The following WIPI1 variants were observed in gnomAD, a reference collection of about 807,000 sequenced individuals.
WIPI1 encodes the protein WD repeat domain phosphoinositide-interacting protein 1.
In WIPI1, 45 loss-of-function variants were observed where a neutral mutation model predicts 55.3. The ratio of observed to expected loss-of-function variants is 0.81; its 90% CI spans 0.64 to 1.04. The LOEUF is 1.04. WIPI1 is among the 50% of genes least tolerant of loss of function. WIPI1 has a pLI of 0.00. For missense variants in WIPI1, 445 were observed against 559.0 expected (o/e 0.80, Z 2.06); for synonymous variants, 195 against 217.6 (o/e 0.90, Z 0.92).
chr17:68,449,456 A>G (rs1005296784), intron 3 of WIPI1, among the ~76,000 whole-genome samples: 5 of 152,186 alleles, frequency 3.3e-5, no homozygotes, highest in Non-Finnish European at 5.9e-5. Context: ...GAAACACTGT[A>G]ATATGATTCA....
intron 11 of WIPI1, 77 bp from the exon 12 acceptor site, chr17:68,426,252 G>GGGGGGGGGGGGGGGGGT: frequency 1.2e-6 from 1 of 828,188 alleles, no homozygotes; most frequent in Non-Finnish European, 1.9e-6. Flanking sequence ...TGGGGAGCGG[G>GGGGGGGGGGGGGGGGGT]GGCTCAAATA....
At chr17:68,427,461 A>AGG in intron 10 of WIPI1, 1 of 373,828 alleles carries the variant, frequency 2.7e-6, no homozygotes, top group Non-Finnish European at 4.9e-6. Context: ...GGTTCAAGCG[A>AGG]TTCTCCTGCC....
chr17:68,427,358 G>A, intron 10 of WIPI1, 105 bp from the exon 11 acceptor site: 1 of 859,560 alleles, frequency 1.2e-6, no homozygotes, highest in East Asian at 2.5e-5. Context: ...AGCTCTGTGG[G>A]TTATTTATTT....
chr17:68,441,032 A>G (rs1375135191), intron 4 of WIPI1: 1 of 152,224 alleles, frequency 6.6e-6, no homozygotes, highest in Non-Finnish European at 1.5e-5. Context: ...GAACTGTTCA[A>G]TGATCTGCAT....
intron 12 of WIPI1, 168 bp downstream of exon 12, chr17:68,425,907 C>T (rs190732416): frequency 3.8e-5 from 23 of 609,542 alleles, no homozygotes; most frequent in Middle Eastern, 4.4e-4. Context: ...CTGTAGGATT[C>T]GAAGCACACA....
chr17:68,437,005 A>ATATATATATAT (rs1555801304), intron 4 of WIPI1, among the ~76,000 whole-genome samples: 220 of 107,208 alleles, frequency 2.1e-3, no homozygotes, highest in South Asian at 7.8e-3. Context: ...AAAAAAAAAA[A>ATATATATATAT]ATATATATAT....
intron 1 of WIPI1, among the ~76,000 whole-genome samples, chr17:68,454,688 A>T (rs1383832945): frequency 6.6e-6 from 1 of 152,218 alleles, no homozygotes; most frequent in African/African-American, 2.4e-5. Context: ...ATTGTTTTTA[A>T]ACTTTCTTCA....
chr17:68,435,334 G>T (rs2083732084), intron 6 of WIPI1, among the ~76,000 whole-genome samples: 1 of 152,180 alleles, frequency 6.6e-6, no homozygotes, highest in Admixed American at 6.5e-5. Flanking sequence ...TGTAGCATTT[G>T]TCCGTCTCTA....
chr17:68,433,342 A>C (rs534509635), intron 8 of WIPI1, 126 bp downstream of exon 8: 6 of 898,148 alleles, frequency 6.7e-6, no homozygotes, highest in African/African-American at 5.0e-5. Context: ...TCCATCACTT[A>C]GGTGAAGTCC....
At chr17:68,454,102 T>C (rs2084588759) in intron 1 of WIPI1, among the ~76,000 whole-genome samples, 1 of 152,212 alleles carries the variant, frequency 6.6e-6, no homozygotes, top group Non-Finnish European at 1.5e-5. Context: ...CATTTTTCAA[T>C]GAGGAGATAA....
intron 11 of WIPI1, among the ~76,000 whole-genome samples, chr17:68,426,873 T>C (rs1182461198): frequency 6.6e-6 from 1 of 152,196 alleles, no homozygotes; most frequent in Non-Finnish European, 1.5e-5. Context: ...TTAACACCAC[T>C]TGTTAGGAAA....
At chr17:68,429,331 T>A (rs1436685463) in intron 9 of WIPI1, among the ~76,000 whole-genome samples, 1 of 152,244 alleles carries the variant, frequency 6.6e-6, no homozygotes, top group Non-Finnish European at 1.5e-5. Flanking sequence ...TGTGAAATTT[T>A]AAAAATGTTC....
At chr17:68,429,779 G>A (rs1452606951) in intron 9 of WIPI1, among the ~76,000 whole-genome samples, 2 of 152,098 alleles carry the variant, frequency 1.3e-5, no homozygotes, top group African/African-American at 4.8e-5. Context: ...AGTAGAGACG[G>A]GATTTCACCA....
chr17:68,431,877 TC>T (rs1447453995), intron 8 of WIPI1, among the ~76,000 whole-genome samples: 1 of 95,454 alleles, frequency 1.0e-5, no homozygotes, highest in Non-Finnish European at 2.2e-5. Flanking sequence ...CTGATAATAA[TC>T]CCCAGTGGAG....
intron 3 of WIPI1, 65 bp downstream of exon 3, chr17:68,450,663 G>A (rs909161260): frequency 5.9e-6 from 9 of 1,529,004 alleles, no homozygotes; most frequent in African/African-American, 2.8e-5. Flanking sequence ...CTTGAAAGAT[G>A]TCCATCTTTT....
chr17:68,453,143 C>A, intron 1 of WIPI1, 151 bp from the exon 2 acceptor site: 4 of 550,092 alleles, frequency 7.3e-6, no homozygotes, highest in Admixed American at 3.2e-5. Flanking sequence ...TAAATGGTGA[C>A]GCATGTCTTG....
intron 3 of WIPI1, among the ~76,000 whole-genome samples, chr17:68,445,178 C>T (rs1452218404): frequency 6.6e-6 from 1 of 152,124 alleles, no homozygotes; most frequent in Non-Finnish European, 1.5e-5. Context: ...CCTCGGCCTC[C>T]CAAAGTGCTG....
rs578117655 is a variant in WIPI1 at position 68,421,874 on chromosome 17, C to T, written c.1294-54G>A. On this transcript the variant is annotated intron_variant, in intron 12 of 12. Transcript: ENST00000262139. ...CTCTTCTCAGGAAGAGGCTGGTAGG[C>T]AGGTGCATTATCAACAGGTCTGTGC... 5.0e-6 allele frequency: 8 copies of T among 1,610,590 alleles called. 1 individual carries two copies. In the Admixed American group the frequency reaches 1.2e-4, roughly 23 times the overall value.
At chr17:68,433,784 T>TG in intron 7 of WIPI1, among the ~76,000 whole-genome samples, 5 of 86,936 alleles carry the variant, frequency 5.8e-5, no homozygotes, top group African/African-American at 2.0e-4. Context: ...TTTTTTTTTT[T>TG]TTTTTTTTTT....
Sources: gnomAD v4.1 joint callset for allele counts (sites outside exome capture counted in the v4.1 genomes callset) on GRCh38, gnomAD v4.1.1 for gene constraint, MANE v1.5 for transcripts, NCBI Gene and HGNC (gene_info 2026-07-23, HGNC 2026-07-21) for gene names.